The following TOPBP1 variants were observed in gnomAD, a reference collection of about 807,000 sequenced individuals.
TOPBP1 encodes DNA topoisomerase 2-binding protein 1.
A neutral mutation model predicts 167.7 loss-of-function variants in TOPBP1; 28 were observed. That is an observed-to-expected ratio of 0.17 (90% confidence interval 0.12 to 0.23). The LOEUF (loss-of-function observed/expected upper bound fraction) is 0.23. Ranked by LOEUF, TOPBP1 falls within the 10% of genes least tolerant of loss-of-function variation. The pLI, the probability that TOPBP1 is intolerant of heterozygous loss-of-function variation, is 1.00. For missense variants in TOPBP1, 1,554 were observed against 1,809.6 expected, an observed-to-expected ratio of 0.86 and a Z score of 2.56; for synonymous variants, 598 against 611.4, an observed-to-expected ratio of 0.98 and a Z score of 0.32.
chr3:133,642,159 T>A (rs927373427), intron 12 of TOPBP1, among the ~76,000 whole-genome samples: 1 of 152,090 alleles, frequency 6.6e-6, no homozygotes, highest in African/African-American at 2.4e-5. Flanking sequence ...CTGGCTCATT[T>A]TTTTTTATTA....
At chr3:133,615,460 G>C (rs920306266) in intron 23 of TOPBP1, among the ~76,000 whole-genome samples, 1 of 152,166 alleles carries the variant, frequency 6.6e-6, no homozygotes, top group African/African-American at 2.4e-5. Context: ...CTGGGAGACA[G>C]AGCAAGACTC....
At chr3:133,613,374 C>T (rs1322729058) in intron 23 of TOPBP1, among the ~76,000 whole-genome samples, 2 of 152,032 alleles carry the variant, frequency 1.3e-5, no homozygotes, top group African/African-American at 2.4e-5. Context: ...AATTAGGATA[C>T]AAAAAGAAAT....
chr3:133,605,014 C>G lies in TOPBP1; in HGVS notation c.4425+3521G>C, dbSNP rs753889139. Among the ~76,000 whole-genome samples the G allele has an allele frequency of 2.1e-4, 32 of 151,926 alleles. No individual in the cohort carries two copies. In the Middle Eastern group the frequency reaches 0.01, roughly 49 times the overall value. ...AGCCGTGGGGATCACTTAAGCCCAGCATGGTGAAACCCCGTCTCTACCAAA... is the reference window on the plus strand; with the variant it reads ...AGCCGTGGGGATCACTTAAGCCCAGGATGGTGAAACCCCGTCTCTACCAAA... On this transcript the variant is annotated intron_variant, in intron 27 of 27. Transcript: ENST00000260810.
chr3:133,605,583 T>C (rs1934464067), intron 27 of TOPBP1, among the ~76,000 whole-genome samples: 1 of 151,976 alleles, frequency 6.6e-6, no homozygotes, highest in South Asian at 2.1e-4. Flanking sequence ...TAACCCCAAT[T>C]AATGATGAAA....
intron 19 of TOPBP1, among the ~76,000 whole-genome samples, chr3:133,621,583 T>C (rs566974515): frequency 7.9e-5 from 12 of 152,370 alleles, no homozygotes; most frequent in African/African-American, 2.9e-4. Context: ...TATGTCATTT[T>C]ATACATAAGG....
intron 14 of TOPBP1, among the ~76,000 whole-genome samples, chr3:133,635,415 G>C (rs1935633386): frequency 6.6e-6 from 1 of 150,956 alleles, no homozygotes; most frequent in South Asian, 2.1e-4. Flanking sequence ...ACCAAGCCCA[G>C]CTAATTAAAA....
At chr3:133,623,692 T>C (rs17301521) in intron 17 of TOPBP1, among the ~76,000 whole-genome samples, 22,066 of 152,244 alleles carry the variant, frequency 0.14, 1,907 homozygotes, top group Non-Finnish European at 0.2. Flanking sequence ...CCTGTGCTTT[T>C]GCAAAGGTAT....
At chr3:133,634,433 T>C (rs1360947406) in intron 14 of TOPBP1, among the ~76,000 whole-genome samples, 7 of 152,004 alleles carry the variant, frequency 4.6e-5, no homozygotes, top group African/African-American at 1.7e-4. Flanking sequence ...CGCTTGAACC[T>C]AGGAGGCAGA....
chr3:133,626,972 C>T (rs569008220), intron 16 of TOPBP1, among the ~76,000 whole-genome samples: 6 of 152,194 alleles, frequency 3.9e-5, no homozygotes, highest in East Asian at 1.9e-4. Flanking sequence ...AGACAGTATC[C>T]GATGATCTCT....
In TOPBP1 at chr3:133,652,489, G is replaced by T; in HGVS notation, c.1063C>A (p.Pro355Thr). Reference sequence around the variant, plus strand: ...CGACAACCATCTAATAAATCTTCAGGTGCTTGAAATGCACTGACATCCAGA... The same window carrying T: ...CGACAACCATCTAATAAATCTTCAGTTGCTTGAAATGCACTGACATCCAGA... ...ENLDVSAFQA[P>T]EDLLDGCRIY... Residue 355 changes from proline (P) to threonine (T), a missense_variant, in exon 8 of 28, where the codon CCT becomes ACT. By Grantham distance (38) the Pro-to-Thr change is conservative. This residue lies in a region of TOPBP1 where 1,197 missense variants were observed against 1,351.5 expected (regional missense o/e 0.89). Transcript: ENST00000260810. 6.2e-7 allele frequency: 1 copy of T among 1,611,818 alleles called. No homozygotes were observed. Among genetic ancestry groups the T allele is most frequent in the Non-Finnish European group, 8.5e-7 (1 of 1,179,842 alleles).
rs749461108 is a variant in TOPBP1, at chr3:133,644,240, T to C, written c.1628A>G (p.Asp543Gly). ...NQSSVSHCVP[D>G]VSTITEEGLF... is the part of the protein sequence containing the mutation. ...GCCTTCTTCAGTAATTGTAGAAACA[T>C]CAGGGACACAATGACTGACAGAAGA... The change falls in exon 11 of 28, where the codon GAT (aspartate) becomes GGT (glycine). Residue 543 changes from aspartate to glycine, a missense_variant. Physicochemically the swap from Asp to Gly is moderately conservative, Grantham distance 94. Around this residue, in one of 3 missense-constraint regions of TOPBP1, gnomAD observed 1,197 missense variants for 1,351.5 expected, o/e 0.89. Coordinates refer to ENST00000260810, the MANE Select transcript of TOPBP1 (RefSeq NM_007027.4). The C allele has an allele frequency of 2.5e-6, 4 of 1,613,758 alleles. No homozygotes were observed. The East Asian group carries it at 8.9e-5, about 36-fold the overall frequency.
rs755737185 is a variant in TOPBP1 at position 133,659,067 on chromosome 3, T to C, written c.168A>G (p.Ser56=). 2.5e-6 allele frequency: 4 copies of C among 1,596,456 alleles called. No individual in the cohort carries two copies. In the South Asian group the frequency reaches 3.4e-5, roughly 14 times the overall value. Residue 56 remains serine, a synonymous_variant, in exon 3 of 28, where the codon TCA becomes TCG. Transcript: ENST00000260810. ...EALKIKENDR[S]LYICDPFSGV... is the part of the protein sequence containing the mutation. ...CACTAAAAGGGTCACAGATATAAAG[T>C]GATCTATCATTCTCCTTTATCTTCA...
At chr3:133,647,604 C>A (rs1169486401) in intron 10 of TOPBP1, among the ~76,000 whole-genome samples, 4 of 152,156 alleles carry the variant, frequency 2.6e-5, no homozygotes, top group African/African-American at 9.7e-5. Flanking sequence ...CACCTGCAAT[C>A]CCAGCACTTT....
At chr3:133,625,289 G>A (rs1393143026) in intron 16 of TOPBP1, among the ~76,000 whole-genome samples, 1 of 152,000 alleles carries the variant, frequency 6.6e-6, no homozygotes, top group African/African-American at 2.4e-5. Flanking sequence ...TCTTGACCTG[G>A]GAAACATCAA....
intron 19 of TOPBP1, among the ~76,000 whole-genome samples, chr3:133,621,363 C>A (rs1360843251): frequency 6.6e-6 from 1 of 152,142 alleles, no homozygotes; most frequent in Non-Finnish European, 1.5e-5. Flanking sequence ...CAGCCCTCCA[C>A]ATCCACCGGT....
rs769417140 is a variant in TOPBP1, at chr3:133,624,103, T to C, written c.2877A>G (p.Lys959=). 2 of 1,613,740 alleles carry C rather than the reference T, an allele frequency of 1.2e-6. No homozygotes were observed. Among genetic ancestry groups the C allele is most frequent in the South Asian group, 1.1e-5 (1 of 91,082 alleles). The change falls in exon 17 of 28, where the codon AAA becomes AAG. Residue 959 remains lysine (K), a synonymous_variant. Coordinates refer to ENST00000260810, the MANE Select transcript of TOPBP1 (RefSeq NM_007027.4). ...TGTGTACTCCTCTTTCTTTTACAGATTTATACTCCCGATTAGTGTCATTTG... is the reference window on the plus strand; with the variant it reads ...TGTGTACTCCTCTTTCTTTTACAGACTTATACTCCCGATTAGTGTCATTTG... ...GRPNDTNREY[K]SVKERGVHIV...
chr3:133,643,848 G>A (rs150410261), intron 11 of TOPBP1, among the ~76,000 whole-genome samples, 172 bp downstream of exon 11: 5 of 152,280 alleles, frequency 3.3e-5, no homozygotes, highest in African/African-American at 1.2e-4. Flanking sequence ...TCGGGATTAG[G>A]CCAAGAAGCT....
chr3:133,606,227 T>C (rs546084600), intron 27 of TOPBP1, among the ~76,000 whole-genome samples: 8 of 152,188 alleles, frequency 5.3e-5, no homozygotes, highest in Non-Finnish European at 1.0e-4. Context: ...TATATTCTTT[T>C]GGATTGGCAG....
chr3:133,619,453 G>A (rs1480415184), intron 20 of TOPBP1, among the ~76,000 whole-genome samples: 1 of 152,078 alleles, frequency 6.6e-6, no homozygotes, highest in Non-Finnish European at 1.5e-5. Context: ...CACAATTATA[G>A]ATTTTTTTCT....
Sources: allele counts gnomAD v4.1 joint callset (sites outside exome capture counted in the v4.1 genomes callset), GRCh38; gene constraint gnomAD v4.1.1; regional missense constraint gnomAD v4.1.1; transcripts MANE v1.5; gene names NCBI Gene and HGNC (gene_info 2026-07-23, HGNC 2026-07-21).